HS6ST2: variants seen among roughly 807,000 people sequenced by gnomAD.
HS6ST2 encodes the protein heparan sulfate 6-O-sulfotransferase 2, also known as heparan-sulfate 6-O-sulfotransferase 2.
HS6ST2 carries 17 observed loss-of-function variants against 33.0 expected under a neutral mutation model. That is an observed-to-expected ratio of 0.52 (90% CI 0.35 to 0.77). HS6ST2 has a LOEUF of 0.77. HS6ST2 is among the 30% of genes least tolerant of loss of function. HS6ST2 has a pLI of 0.01. For missense variants in HS6ST2, 519 were observed against 551.7 expected, an observed-to-expected ratio of 0.94 and a Z score of 0.59; for synonymous variants, 248 against 237.1, an observed-to-expected ratio of 1.05 and a Z score of -0.42.
chrX:132,754,696 G>T (rs143454552), intron 2 of HS6ST2, among the ~76,000 whole-genome samples: 1,361 of 109,054 alleles, frequency 0.012, 26 homozygotes, highest in African/African-American at 0.044. Flanking sequence ...GATTACAGAT[G>T]TGAGCCACCA....
intron 2 of HS6ST2, among the ~76,000 whole-genome samples, chrX:132,943,217 G>T (rs1349578616): frequency 9.0e-6 from 1 of 111,639 alleles, no homozygotes; most frequent in African/African-American, 3.3e-5. Context: ...CACTTAGCTT[G>T]TATAGACTTA....
intron 2 of HS6ST2, among the ~76,000 whole-genome samples, chrX:132,787,179 A>ATGTGTG (rs1206558764): frequency 1.2e-5 from 1 of 81,931 alleles, no homozygotes; most frequent in Non-Finnish European, 2.2e-5. Context: ...ATATATATAT[A>ATGTGTG]TATATATACA....
chrX:132,922,860 TGA>T (rs1018038274), intron 2 of HS6ST2, among the ~76,000 whole-genome samples: 43 of 111,021 alleles, frequency 3.9e-4, no homozygotes, highest in Non-Finnish European at 6.0e-4. Flanking sequence ...GCCAGGAATT[TGA>T]GACCAGTCTA....
chrX:132,937,964 C>T (rs2066843217), intron 2 of HS6ST2, among the ~76,000 whole-genome samples: 1 of 106,613 alleles, frequency 9.4e-6, no homozygotes, highest in African/African-American at 3.6e-5. Context: ...GAGTTTGAGA[C>T]CAGCCTGGAC....
chrX:132,958,354 G>T lies in HS6ST2; in HGVS notation c.249C>A (p.Cys83Ter). 8.3e-7 allele frequency: 1 copy of T among 1,198,729 alleles called. No homozygotes were observed. The highest frequency in any genetic ancestry group is 1.8e-5 in the South Asian group (1 of 56,511). Residue 83 changes from cysteine (C) to a stop codon, truncating the protein, a stop_gained, in exon 1 of 5, where the codon TGC (cysteine) becomes TGA (stop). Coordinates refer to ENST00000370833, the MANE Select transcript of HS6ST2 (RefSeq NM_001394073.1). LOFTEE classifies it high-confidence loss of function. ...GGGACAGCAGCGCGAAAAGCGGGGCGCACGCGGCTCCCGCCAGGGAAGAAG... is the reference window on the plus strand; with the variant it reads ...GGGACAGCAGCGCGAAAAGCGGGGCTCACGCGGCTCCCGCCAGGGAAGAAG... ...KASSSLAGAA[C>*]APLFALLSRG... is the part of the protein sequence containing the mutation.
At chrX:132,741,101 G>A (rs994031115) in intron 2 of HS6ST2, among the ~76,000 whole-genome samples, 8 of 111,356 alleles carry the variant, frequency 7.2e-5, no homozygotes, top group Non-Finnish European at 1.5e-4. Context: ...AGATGGAGTC[G>A]GGTGGATGCT....
chrX:132,932,797 A>G (rs2066786945), intron 2 of HS6ST2, among the ~76,000 whole-genome samples: 1 of 106,579 alleles, frequency 9.4e-6, no homozygotes, highest in Admixed American at 1.0e-4. Context: ...AATATCCATA[A>G]AAGGATATTA....
intron 4 of HS6ST2, among the ~76,000 whole-genome samples, chrX:132,656,739 C>A (rs1169658867): frequency 1.8e-5 from 2 of 112,034 alleles, no homozygotes; most frequent in Non-Finnish European, 3.8e-5. Context: ...GAAATCTAGG[C>A]AGATCCCAAT....
chrX:132,955,410 G>A (rs1047740698), intron 2 of HS6ST2, among the ~76,000 whole-genome samples: 4 of 112,228 alleles, frequency 3.6e-5, no homozygotes, highest in Non-Finnish European at 5.6e-5. Context: ...GGAGAGCCAG[G>A]GGGTGATGTT....
chrX:132,887,762 A>G (rs893472304), intron 2 of HS6ST2, among the ~76,000 whole-genome samples: 3 of 112,315 alleles, frequency 2.7e-5, no homozygotes, highest in Non-Finnish European at 3.8e-5. Flanking sequence ...ATATCCATCT[A>G]CTGATGAATG....
chrX:132,781,561 G>A (rs1265639016), intron 2 of HS6ST2, among the ~76,000 whole-genome samples: 4 of 111,690 alleles, frequency 3.6e-5, no homozygotes, highest in African/African-American at 1.3e-4. Flanking sequence ...GTATTAGTCC[G>A]TTTTTATACT....
intron 2 of HS6ST2, among the ~76,000 whole-genome samples, chrX:132,727,976 A>C (rs962160711): frequency 8.9e-6 from 1 of 112,116 alleles, no homozygotes; most frequent in African/African-American, 3.2e-5. Flanking sequence ...TCATCATGTC[A>C]GTCTTTTTTA....
At chrX:132,647,308 C>T (rs1229087501) in intron 4 of HS6ST2, among the ~76,000 whole-genome samples, 1 of 111,016 alleles carries the variant, frequency 9.0e-6, no homozygotes, top group Non-Finnish European at 1.9e-5. Flanking sequence ...CCCTTTCTCC[C>T]CCTCTATCTT....
chrX:132,760,285 A>G (rs937700598), intron 2 of HS6ST2, among the ~76,000 whole-genome samples: 2 of 110,996 alleles, frequency 1.8e-5, no homozygotes, highest in Non-Finnish European at 3.8e-5. Context: ...TGCAGTTCCT[A>G]TAATCCCCAT....
chrX:132,629,052 C>T lies in HS6ST2; in HGVS notation c.1109G>A (p.Arg370Gln), dbSNP rs371646517. 3.3e-6 allele frequency: 4 copies of T among 1,200,502 alleles called. No individual in the cohort carries two copies. The highest frequency in any genetic ancestry group is 2.2e-5 in the Admixed American group (1 of 44,846). Reference sequence around the variant, plus strand: ...GACATGCCTCCACTCACTCAAGTACCGGGACACTGGGTCTCGGAGGATGGT... The same window carrying T: ...GACATGCCTCCACTCACTCAAGTACTGGGACACTGGGTCTCGGAGGATGGT... ...YITILRDPVS[R>Q]YLSEWRHVQR... The change falls in exon 5 of 5, where the codon CGG becomes CAG. Residue 370 changes from arginine to glutamine, a missense_variant. Transcript: ENST00000370833.
intron 4 of HS6ST2, among the ~76,000 whole-genome samples, chrX:132,652,769 T>C (rs1046658125): frequency 1.8e-5 from 2 of 110,430 alleles, no homozygotes; most frequent in Non-Finnish European, 3.8e-5. Flanking sequence ...TTAATTGAAT[T>C]GGAAATGCAA....
rs780998982 is a variant in HS6ST2, at chrX:132,806,082, A to G, written c.948-97588T>C. Among the ~76,000 whole-genome samples the G allele has an allele frequency of 2.7e-5, 3 of 110,202 alleles. 1 individual carries two copies. Among genetic ancestry groups the G allele is most frequent in the Admixed American group, 9.7e-5 (1 of 10,355 alleles). On this transcript the variant is annotated intron_variant, in intron 2 of 4. Coordinates refer to ENST00000370833, the MANE Select transcript of HS6ST2 (RefSeq NM_001394073.1). ...TGCTCAGATGAGACTTTGCCTTGGT[A>G]TACCACATTCACAACCAACCCAGAG...
At position 132,821,922 on chromosome X, in the gene HS6ST2, T is replaced by C. The variant is rs767637167; in HGVS notation, c.948-113428A>G. 3.6e-5 allele frequency among the ~76,000 whole-genome samples: 4 copies of C among 110,584 alleles called. No individual in the cohort carries two copies. In the East Asian group the frequency reaches 1.1e-3, roughly 32 times the overall value. On this transcript the variant is annotated intron_variant, in intron 2 of 4. Coordinates refer to ENST00000370833, the MANE Select transcript of HS6ST2 (RefSeq NM_001394073.1). ...GGGAGGATCACTTGAGTCTGGGAAG[T>C]GGAGGTTGCTATGAGCTGAGATCTC...
rs184087549 is a variant in HS6ST2, at chrX:132,722,835, T to G, written c.948-14341A>C. On this transcript the variant is annotated intron_variant, in intron 2 of 4. Coordinates refer to ENST00000370833, the MANE Select transcript of HS6ST2 (RefSeq NM_001394073.1). ...GTGAAGGTGATTGAGATTTCAAATA[T>G]TCAAACATATAGGTGTATTAAAATA... Among the ~76,000 whole-genome samples, 3 of 106,913 alleles carry G rather than the reference T, an allele frequency of 2.8e-5. No homozygotes were observed. In the East Asian group the frequency reaches 8.7e-4, roughly 31 times the overall value. The allele number at this position is 106,913 out of a possible 115,157, so 92.8% of individuals were successfully genotyped here. A position where few individuals can be genotyped will look rare whatever the true frequency, so the allele number is the denominator to read the frequency against.
Sources: allele counts gnomAD v4.1 joint callset (sites outside exome capture counted in the v4.1 genomes callset), GRCh38; gene constraint gnomAD v4.1.1; transcripts MANE v1.5; gene names NCBI Gene and HGNC (gene_info 2026-07-23, HGNC 2026-07-21).